Variants in CAMTA1 observed in about 807,000 individuals in gnomAD.
CAMTA1 encodes the protein calmodulin-binding transcription activator 1.
A neutral mutation model predicts 170.9 loss-of-function variants in CAMTA1; 27 were observed. That is an observed-to-expected ratio of 0.16 (90% confidence interval 0.12 to 0.22). The LOEUF (loss-of-function observed/expected upper bound fraction) is 0.22, where lower values mean the gene tolerates loss of function less well. Among genes scored for constraint, CAMTA1 ranks in the 10% least tolerant of loss-of-function variants. CAMTA1 has a pLI of 1.00. For synonymous variants in CAMTA1, 833 were observed against 891.5 expected, an observed-to-expected ratio of 0.93 and a Z score of 1.17; for missense variants, 1,619 against 2,217.2, an observed-to-expected ratio of 0.73 and a Z score of 5.42.
Position 7,561,742 on chromosome 1 carries a change from G to A in CAMTA1, c.511-78658G>A, listed in dbSNP as rs1298457058. Reference sequence around the variant, plus strand: ...GTTAGATTCTTCACGACGCCTGTCAGAGGCCACCCCTCCCCAGCCCAACAG... The same window carrying A: ...GTTAGATTCTTCACGACGCCTGTCAAAGGCCACCCCTCCCCAGCCCAACAG... On this transcript the variant is annotated intron_variant, in intron 6 of 22. Coordinates refer to ENST00000303635, the MANE Select transcript of CAMTA1 (RefSeq NM_015215.4). This position sits in a 1 kb window ranked among gnomAD's most constrained non-coding sequence, Gnocchi z 5.3. 6.6e-6 allele frequency among the ~76,000 whole-genome samples: 1 copy of A among 151,854 alleles called. No individual in the cohort carries two copies. Among genetic ancestry groups the A allele is most frequent in the East Asian group, 2.0e-4 (1 of 5,114 alleles).
At chr1:6,962,766 G>A (rs1397558773) in intron 3 of CAMTA1, among the ~76,000 whole-genome samples, 1 of 135,690 alleles carries the variant, frequency 7.4e-6, no homozygotes, top group Non-Finnish European at 1.6e-5. Context: ...CTTGCCCACC[G>A]AGCTCCTCTG....
intron 3 of CAMTA1, among the ~76,000 whole-genome samples, chr1:6,926,488 CTCTCTCTCT>C (rs1352787778): frequency 8.0e-6 from 1 of 125,692 alleles, no homozygotes; most frequent in East Asian, 2.3e-4. Flanking sequence ...TTCTTTCTTT[CTCTCTCTCT>C]TTTCTTCCTT....
At chr1:6,820,370 T>C (rs1014563573) in intron 2 of CAMTA1, 120 bp downstream of exon 2, 25 of 867,942 alleles carry the variant, frequency 2.9e-5, no homozygotes, top group Non-Finnish European at 4.1e-5. Flanking sequence ...GGTTCTGCAC[T>C]TAACTGCTGT....
Position 7,448,690 on chromosome 1 carries a change from G to A in CAMTA1, c.439-19140G>A, listed in dbSNP as rs552450429. Among the ~76,000 whole-genome samples the A allele has an allele frequency of 1.1e-4, 17 of 152,268 alleles. No individual in the cohort carries two copies. In the South Asian group the frequency reaches 1.5e-3, roughly 13 times the overall value. On this transcript the variant is annotated intron_variant, in intron 5 of 22. Transcript: ENST00000303635. ...TTCATAGACCGTGCCTTCTTGCTGCGTCCTTACGTGGTAGAAGAGGCAGGG... is the reference window on the plus strand; with the variant it reads ...TTCATAGACCGTGCCTTCTTGCTGCATCCTTACGTGGTAGAAGAGGCAGGG...
At chr1:7,105,939 CA>C (rs35981857) in intron 4 of CAMTA1, among the ~76,000 whole-genome samples, 34,814 of 143,194 alleles carry the variant, frequency 0.24, 4,026 homozygotes, top group Middle Eastern at 0.29. Flanking sequence ...GACCATGTCT[CA>C]AAAAAAAAAA....
At chr1:7,339,969 T>G (rs1264789802) in intron 5 of CAMTA1, among the ~76,000 whole-genome samples, 13 of 152,114 alleles carry the variant, frequency 8.5e-5, no homozygotes. Flanking sequence ...AAACAGACAT[T>G]CAGAACCTGA....
At chr1:7,747,146 A>C (rs1377285810) in intron 18 of CAMTA1, among the ~76,000 whole-genome samples, 1 of 152,250 alleles carries the variant, frequency 6.6e-6, no homozygotes, top group East Asian at 1.9e-4. Flanking sequence ...CGTATTATTC[A>C]GTTAATATAA....
chr1:7,048,042 G>A (rs1705690993), intron 3 of CAMTA1, among the ~76,000 whole-genome samples: 1 of 152,126 alleles, frequency 6.6e-6, no homozygotes, highest in Admixed American at 6.5e-5. Context: ...GAGTCATTCT[G>A]AGAGCAGAGG....
intron 6 of CAMTA1, among the ~76,000 whole-genome samples, chr1:7,577,117 T>C (rs1168990004): frequency 1.3e-5 from 2 of 152,178 alleles, no homozygotes; most frequent in African/African-American, 4.8e-5. Context: ...CTGATTGGTG[T>C]GAGGGATCAA....
Position 7,664,148 on chromosome 1 carries a change from C to T in CAMTA1, c.1601C>T (p.Thr534Ile). 1 of 1,613,156 alleles carries T rather than the reference C, an allele frequency of 6.2e-7. No individual in the cohort carries two copies. Among genetic ancestry groups the T allele is most frequent in the Non-Finnish European group, 8.5e-7 (1 of 1,180,044 alleles). The change falls in exon 9 of 23, where the codon ACC becomes ATC. Residue 534 changes from threonine to isoleucine, a missense_variant. By Grantham distance (89) the Thr-to-Ile change is moderately conservative. Transcript: ENST00000303635. ...FTTVLTKEIK[T>I]EDTSFEQQMA... ...ACCGTCCTCACCAAGGAGATCAAGA[C>T]CGAGGACACCTCCTTCGAGCAGCAG...
rs764334564 is a variant in CAMTA1, at chr1:7,363,070, C to T, written c.439-104760C>T. 4.0e-4 allele frequency among the ~76,000 whole-genome samples: 61 copies of T among 152,256 alleles called. 1 individual carries two copies. The highest frequency in any genetic ancestry group is 3.9e-4 in the African/African-American group (16 of 41,528). On this transcript the variant is annotated intron_variant, in intron 5 of 22. Transcript: ENST00000303635. Reference sequence around the variant, plus strand: ...GCTCTGTAGAAGAAGAAAGACATTGCGGAAGTTTTTAAATAGGGACATGAT... The same window carrying T: ...GCTCTGTAGAAGAAGAAAGACATTGTGGAAGTTTTTAAATAGGGACATGAT...
chr1:7,362,387 T>C (rs1262615689), intron 5 of CAMTA1, among the ~76,000 whole-genome samples: 1 of 152,162 alleles, frequency 6.6e-6, no homozygotes, highest in East Asian at 1.9e-4. Context: ...TTGGTGGACT[T>C]GGGTACAGTT....
intron 7 of CAMTA1, among the ~76,000 whole-genome samples, chr1:7,655,239 T>TAC (rs556661237): frequency 1.2e-4 from 14 of 120,232 alleles, no homozygotes; most frequent in South Asian, 5.7e-4. Context: ...CACACACCTA[T>TAC]ACACACACAC....
At chr1:7,084,361 AG>A (rs1364493699) in intron 3 of CAMTA1, among the ~76,000 whole-genome samples, 1 of 152,030 alleles carries the variant, frequency 6.6e-6, no homozygotes, top group African/African-American at 2.4e-5. Flanking sequence ...AAGCTGTGGG[AG>A]GGGAGGCTGA....
rs533701189 is a variant in CAMTA1, at chr1:6,870,497, G to A, written c.234+45287G>A. The stretch of plus-strand genomic sequence containing the variant: ...AGAGTTTGTTTATTTATTGATTGCC[G>A]TAAGCCTCTAGAAAGAATATTCTGT... On this transcript the variant is annotated intron_variant, in intron 3 of 22. Transcript: ENST00000303635. 1.1e-3 allele frequency among the ~76,000 whole-genome samples: 173 copies of A among 152,266 alleles called. 1 individual carries two copies. The highest frequency in any genetic ancestry group is 1.6e-3 in the Non-Finnish European group (109 of 68,022).
At chr1:7,102,826 T>C (rs1642902070) in intron 4 of CAMTA1, among the ~76,000 whole-genome samples, 1 of 152,132 alleles carries the variant, frequency 6.6e-6, no homozygotes, top group Non-Finnish European at 1.5e-5. Flanking sequence ...ATCTTCTCCC[T>C]GGGTTATGAG....
At chr1:7,474,108 G>A (rs2093380133) in intron 6 of CAMTA1, among the ~76,000 whole-genome samples, 1 of 152,240 alleles carries the variant, frequency 6.6e-6, no homozygotes, top group African/African-American at 2.4e-5. Context: ...CCGTCAAATA[G>A]TGGGGTTAGG....
At chr1:7,274,183 A>C (rs923187487) in intron 5 of CAMTA1, among the ~76,000 whole-genome samples, 2 of 152,164 alleles carry the variant, frequency 1.3e-5, no homozygotes, top group Admixed American at 6.5e-5. Context: ...GGACAAAAAA[A>C]CCATAATACT....
At chr1:7,125,125 C>T (rs1644858629) in intron 4 of CAMTA1, among the ~76,000 whole-genome samples, 1 of 152,108 alleles carries the variant, frequency 6.6e-6, no homozygotes, top group Admixed American at 6.6e-5. Context: ...GGAAGCAACG[C>T]CTCTGCATCT....
Sources: allele counts gnomAD v4.1 joint callset (sites outside exome capture counted in the v4.1 genomes callset), GRCh38; gene constraint gnomAD v4.1.1; non-coding constraint Gnocchi (gnomAD v3.1); transcripts MANE v1.5; gene names NCBI Gene and HGNC (gene_info 2026-07-23, HGNC 2026-07-21).